KCNIP4: variants seen among roughly 807,000 people sequenced by gnomAD.
KCNIP4 encodes potassium voltage-gated channel interacting protein 4.
Under a neutral mutation model 34.0 loss-of-function variants are expected in KCNIP4, and 12 were observed. That is an observed-to-expected ratio of 0.35 (90% CI 0.23 to 0.57). The LOEUF (loss-of-function observed/expected upper bound fraction) is 0.57, where lower values mean the gene tolerates loss of function less well. Ranked by LOEUF, KCNIP4 falls within the 20% of genes least tolerant of loss-of-function variation. KCNIP4 has a pLI of 0.83. For missense variants in KCNIP4, 238 were observed against 311.7 expected, an observed-to-expected ratio of 0.76 and a Z score of 1.78; for synonymous variants, 124 against 102.2, an observed-to-expected ratio of 1.21 and a Z score of -1.29.
intron 1 of KCNIP4, among the ~76,000 whole-genome samples, chr4:21,747,532 A>C (rs573014108): frequency 1.6e-4 from 24 of 152,232 alleles, no homozygotes; most frequent in African/African-American, 5.3e-4. Flanking sequence ...AACCTGTGAA[A>C]TATTGTATTT....
intron 1 of KCNIP4, among the ~76,000 whole-genome samples, chr4:21,457,206 A>G (rs1334540717): frequency 6.6e-6 from 1 of 152,024 alleles, no homozygotes; most frequent in Non-Finnish European, 1.5e-5. Context: ...GTCTCAGCTT[A>G]TGATCATTTG....
At chr4:21,297,102 G>GTATATATATATATATA (rs35254813) in intron 1 of KCNIP4, among the ~76,000 whole-genome samples, 1 of 144,292 alleles carries the variant, frequency 6.9e-6, no homozygotes, top group African/African-American at 2.5e-5. Flanking sequence ...TCAAATATGT[G>GTATATATATATATATA]TATATATATA....
At chr4:21,084,733 T>C (rs893832956) in intron 1 of KCNIP4, among the ~76,000 whole-genome samples, 3 of 151,276 alleles carry the variant, frequency 2.0e-5, no homozygotes, top group Non-Finnish European at 4.4e-5. Flanking sequence ...CATCCCTATT[T>C]AGATCCTCAT....
chr4:21,830,299 T>C (rs908820086), intron 1 of KCNIP4, among the ~76,000 whole-genome samples: 1 of 152,134 alleles, frequency 6.6e-6, no homozygotes, highest in Non-Finnish European at 1.5e-5. Flanking sequence ...AACAATTATA[T>C]ATATGTACCC....
intron 1 of KCNIP4, among the ~76,000 whole-genome samples, chr4:21,082,079 C>T (rs1324186619): frequency 6.6e-6 from 1 of 151,846 alleles, no homozygotes; most frequent in Non-Finnish European, 1.5e-5. Context: ...TGAATTGATC[C>T]TGCTAATGCA....
chr4:21,797,223 G>C (rs1170082289), intron 1 of KCNIP4, among the ~76,000 whole-genome samples: 1 of 152,192 alleles, frequency 6.6e-6, no homozygotes, highest in Non-Finnish European at 1.5e-5. Flanking sequence ...TCATAGCTCA[G>C]TGCAGCTTCA....
chr4:21,060,885 G>T (rs931882567), intron 1 of KCNIP4, among the ~76,000 whole-genome samples: 1 of 152,158 alleles, frequency 6.6e-6, no homozygotes, highest in African/African-American at 2.4e-5. Flanking sequence ...ACAGCAGCAA[G>T]CATTACCTTA....
chr4:21,633,096 G>A (rs1056071674), intron 1 of KCNIP4, among the ~76,000 whole-genome samples: 5 of 151,974 alleles, frequency 3.3e-5, no homozygotes, highest in Admixed American at 3.3e-4. Flanking sequence ...ACTCTTTAGG[G>A]ACTTTTGTAC....
chr4:21,757,177 AGGAAGGAAGGAAGGAAGG>A (rs1560691373), intron 1 of KCNIP4, among the ~76,000 whole-genome samples: 4 of 33,304 alleles, frequency 1.2e-4, no homozygotes, highest in Non-Finnish European at 1.7e-4. Context: ...GAAGGAAGGA[AGGAAGGAAGGAAGGAAGG>A]AAGGAAAGAA....
intron 1 of KCNIP4, among the ~76,000 whole-genome samples, chr4:21,770,942 T>A (rs897782308): frequency 6.6e-6 from 1 of 152,206 alleles, no homozygotes; most frequent in Admixed American, 6.5e-5. Context: ...AGCTCTTTAG[T>A]TTAATTAGAT....
At chr4:21,135,420 C>A (rs1347168561) in intron 1 of KCNIP4, among the ~76,000 whole-genome samples, 1 of 152,090 alleles carries the variant, frequency 6.6e-6, no homozygotes, top group Non-Finnish European at 1.5e-5. Context: ...TTTTGTAGAC[C>A]TTTTACTCAT....
intron 5 of KCNIP4, among the ~76,000 whole-genome samples, chr4:20,735,704 T>G (rs1445681060): frequency 6.6e-6 from 1 of 151,876 alleles, no homozygotes; most frequent in Non-Finnish European, 1.5e-5. Flanking sequence ...GCCTGACTAA[T>G]TTTTGTATTT....
intron 1 of KCNIP4, among the ~76,000 whole-genome samples, chr4:21,553,302 G>A (rs56242933): frequency 3.9e-5 from 6 of 152,242 alleles, no homozygotes; most frequent in African/African-American, 1.2e-4. Context: ...TCTCCGTTCC[G>A]TAAATTGAAA....
chr4:21,421,881 G>T (rs1325083543), intron 1 of KCNIP4, among the ~76,000 whole-genome samples: 1 of 152,038 alleles, frequency 6.6e-6, no homozygotes, highest in African/African-American at 2.4e-5. Flanking sequence ...CTTCATTCTG[G>T]ATCAATATAG....
intron 1 of KCNIP4, among the ~76,000 whole-genome samples, chr4:21,704,557 G>C (rs1304388016): frequency 6.6e-6 from 1 of 152,074 alleles, no homozygotes; most frequent in Non-Finnish European, 1.5e-5. Flanking sequence ...AAAACATGGA[G>C]AGTCATTTCA....
rs573040740 is a variant in KCNIP4 at position 20,818,448 on chromosome 4, C to T, written c.288+32095G>A. 1.5e-3 allele frequency among the ~76,000 whole-genome samples: 221 copies of T among 152,278 alleles called. 4 individuals carry two copies. Among genetic ancestry groups the T allele is most frequent in the South Asian group, 0.013 (62 of 4,826 alleles). On this transcript the variant is annotated intron_variant, in intron 3 of 8. Transcript: ENST00000382152. ...AAAAGCAGCCCTTTTCAGAAGCAGC[C>T]GACTCTAGCCCTTGGTATGTCTTGT...
chr4:21,085,657 T>C (rs542080557), intron 1 of KCNIP4, among the ~76,000 whole-genome samples: 1 of 152,272 alleles, frequency 6.6e-6, no homozygotes, highest in East Asian at 1.9e-4. Flanking sequence ...TAAAGGCAGA[T>C]CCTGAGACAA....
intron 1 of KCNIP4, among the ~76,000 whole-genome samples, chr4:21,235,890 G>A (rs887352432): frequency 6.6e-6 from 1 of 152,114 alleles, no homozygotes; most frequent in Non-Finnish European, 1.5e-5. Flanking sequence ...GCATTGCCTA[G>A]GTACAGTCTT....
intron 8 of KCNIP4, 76 bp downstream of exon 8, chr4:20,731,930 A>G (rs993675132): frequency 4.4e-6 from 7 of 1,590,262 alleles, no homozygotes; most frequent in East Asian, 4.5e-5. Flanking sequence ...CGCCCAGTTC[A>G]TGGTAGCTAG....
Sources: gnomAD v4.1 joint callset for allele counts (sites outside exome capture counted in the v4.1 genomes callset) on GRCh38, gnomAD v4.1.1 for gene constraint, MANE v1.5 for transcripts, NCBI Gene and HGNC (gene_info 2026-07-23, HGNC 2026-07-21) for gene names.